Variants in NOS1AP observed in about 807,000 individuals in gnomAD.
NOS1AP encodes the protein nitric oxide synthase 1 adaptor protein, also known as carboxyl-terminal PDZ ligand of neuronal nitric oxide synthase protein.
NOS1AP carries 21 observed loss-of-function variants against 56.2 expected under a neutral mutation model. The ratio of observed to expected loss-of-function variants is 0.37; its 90% CI spans 0.26 to 0.54. The LOEUF (loss-of-function observed/expected upper bound fraction) is 0.54, where lower values mean the gene tolerates loss of function less well. NOS1AP is among the 20% of genes least tolerant of loss of function. NOS1AP has a pLI of 0.84. For missense variants in NOS1AP, 522 were observed against 657.8 expected (o/e 0.79, Z 2.26); for synonymous variants, 270 against 274.6 (o/e 0.98, Z 0.17).
intron 2 of NOS1AP, among the ~76,000 whole-genome samples, chr1:162,263,534 A>G (rs929866488): frequency 6.6e-6 from 1 of 152,182 alleles, no homozygotes; most frequent in Non-Finnish European, 1.5e-5. Context: ...ACAAGTAGCT[A>G]TTTTGGTCTG....
intron 2 of NOS1AP, among the ~76,000 whole-genome samples, chr1:162,221,473 G>T (rs1418953933): frequency 6.7e-6 from 1 of 149,844 alleles, no homozygotes; most frequent in Admixed American, 6.7e-5. Context: ...TTCACCATTA[G>T]CACTTTGGGT....
chr1:162,160,065 G>A (rs1287225504), intron 2 of NOS1AP, among the ~76,000 whole-genome samples: 26 of 152,152 alleles, frequency 1.7e-4, no homozygotes, highest in Admixed American at 1.7e-3. Context: ...GCCTCTGGTG[G>A]CCAATACAGA....
intron 2 of NOS1AP, among the ~76,000 whole-genome samples, chr1:162,275,338 C>T (rs10800401): frequency 0.2 from 30,016 of 151,976 alleles, 3,332 homozygotes; most frequent in East Asian, 0.43. Flanking sequence ...CCATCACACC[C>T]GGCTAATTTT....
At chr1:162,270,141 A>G (rs1212365738) in intron 2 of NOS1AP, among the ~76,000 whole-genome samples, 1 of 152,210 alleles carries the variant, frequency 6.6e-6, no homozygotes, top group Non-Finnish European at 1.5e-5. Context: ...GCCTCTAGGT[A>G]TGGGGTAGTG....
Position 162,151,858 on chromosome 1 carries a change from GTGTGCA to G in NOS1AP, c.106-2543_106-2538del, listed in dbSNP as rs574451990. 1.3e-3 allele frequency among the ~76,000 whole-genome samples: 193 copies of G among 152,120 alleles called. 1 individual carries two copies. Among genetic ancestry groups the G allele is most frequent in the Middle Eastern group, 3.4e-3 (1 of 294 alleles). ...GTGAGGCAAGTGTGTGGCATGTGGGGTGTGCATGTACATGTACATGCGCACCATGAC... is the reference window on the plus strand; with the variant it reads ...GTGAGGCAAGTGTGTGGCATGTGGGGTGTACATGTACATGCGCACCATGAC... On this transcript the variant is annotated intron_variant, in intron 1 of 9. Transcript: ENST00000361897.
In NOS1AP at chr1:162,360,202, G is replaced by A. The variant is rs1657855564; in HGVS notation, c.939+3066G>A. Among the ~76,000 whole-genome samples, 3 of 152,290 alleles carry A rather than the reference G, an allele frequency of 2.0e-5. No homozygotes were observed. In the South Asian group the frequency reaches 6.2e-4, roughly 32 times the overall value. Reference sequence around the variant, plus strand: ...TGACCTTAAAGGTATATGGGCAAAGGTGGTATTCAACCAACTCTTAAGTAT... The same window carrying A: ...TGACCTTAAAGGTATATGGGCAAAGATGGTATTCAACCAACTCTTAAGTAT... On this transcript the variant is annotated intron_variant, in intron 8 of 9. Coordinates refer to ENST00000361897, the MANE Select transcript of NOS1AP (RefSeq NM_014697.3).
chr1:162,137,171 A>G (rs1374409501), intron 1 of NOS1AP, among the ~76,000 whole-genome samples: 1 of 152,174 alleles, frequency 6.6e-6, no homozygotes, highest in Non-Finnish European at 1.5e-5. Flanking sequence ...GAGACAAAGC[A>G]CGATTTGCAT....
At chr1:162,310,224 T>G (rs2819317) in intron 4 of NOS1AP, among the ~76,000 whole-genome samples, 84,116 of 151,978 alleles carry the variant, frequency 0.55, 23,440 homozygotes, top group East Asian at 0.6. Context: ...AATCAGGGAA[T>G]GAGGTATACC....
At chr1:162,101,900 A>T (rs1408076165) in intron 1 of NOS1AP, among the ~76,000 whole-genome samples, 1 of 152,110 alleles carries the variant, frequency 6.6e-6, no homozygotes, top group African/African-American at 2.4e-5. Flanking sequence ...AGATAATTTG[A>T]CTTCCTCTCT....
At chr1:162,095,673 G>A (rs556462535) in intron 1 of NOS1AP, among the ~76,000 whole-genome samples, 5 of 152,116 alleles carry the variant, frequency 3.3e-5, no homozygotes, top group South Asian at 2.1e-4. Flanking sequence ...TCCCTCATCC[G>A]GTGAGTGGGG....
At position 162,144,342 on chromosome 1, in the gene NOS1AP, G is replaced by T. The variant is rs189215961; in HGVS notation, c.106-10063G>T. ...TCTGATTCTGCCACTCACAAGCTAC[G>T]TTTTCATTCTTTCTCTGAGCCTTGA... On this transcript the variant is annotated intron_variant, in intron 1 of 9. Transcript: ENST00000361897. 2.5e-3 allele frequency among the ~76,000 whole-genome samples: 374 copies of T among 152,332 alleles called. 1 individual carries two copies. Among genetic ancestry groups the T allele is most frequent in the African/African-American group, 8.5e-3 (353 of 41,576 alleles).
intron 1 of NOS1AP, among the ~76,000 whole-genome samples, chr1:162,075,880 C>T (rs1165518210): frequency 6.6e-5 from 10 of 152,110 alleles, no homozygotes; most frequent in Admixed American, 6.5e-4. Flanking sequence ...CAGTATGTTC[C>T]TCCACACCTG....
chr1:162,157,293 T>C (rs1011640276), intron 2 of NOS1AP: 1 of 152,476 alleles, frequency 6.6e-6, no homozygotes, highest in Non-Finnish European at 1.5e-5. Flanking sequence ...CAGAAAGCTG[T>C]TTGGTCTGGC....
intron 2 of NOS1AP, among the ~76,000 whole-genome samples, chr1:162,201,379 C>T (rs1651986030): frequency 6.6e-6 from 1 of 152,098 alleles, no homozygotes; most frequent in South Asian, 2.1e-4. Flanking sequence ...GATTCCATGT[C>T]TTTGCTATTA....
chr1:162,175,137 T>C (rs535345537), intron 2 of NOS1AP, among the ~76,000 whole-genome samples: 2 of 151,708 alleles, frequency 1.3e-5, no homozygotes, highest in African/African-American at 4.9e-5. Flanking sequence ...TTTCTTTCCA[T>C]GAAGTACTTT....
At position 162,367,651 on chromosome 1, in the gene NOS1AP, CG is replaced by C; in HGVS notation, c.*186del. The C allele has an allele frequency of 1.4e-6, 1 of 693,750 alleles. No individual in the cohort carries two copies. Among genetic ancestry groups the C allele is most frequent in the South Asian group, 2.0e-5 (1 of 51,164 alleles). 43.0% of individuals were successfully genotyped at this position (693,750 alleles called of 1,614,324 possible). On this transcript the variant is annotated 3_prime_UTR_variant, in exon 10 of 10. Transcript: ENST00000361897. This position sits in a 1 kb window ranked among gnomAD's most constrained non-coding sequence, Gnocchi z 6.5. ...TTGGAGGGTAAAGTGGGGAAGAAAT[CG>C]GATTCCCAGAGGTGAATCAGCTCCT...
At chr1:162,329,121 G>T (rs1656684370) in intron 4 of NOS1AP, among the ~76,000 whole-genome samples, 1 of 152,148 alleles carries the variant, frequency 6.6e-6, no homozygotes, top group African/African-American at 2.4e-5. Context: ...GTCATTTATG[G>T]TAAGTCTGTG....
chr1:162,198,962 GT>G (rs1444616053), intron 2 of NOS1AP, among the ~76,000 whole-genome samples: 1 of 152,088 alleles, frequency 6.6e-6, no homozygotes, highest in Non-Finnish European at 1.5e-5. Flanking sequence ...GTAGGATCAG[GT>G]TTTACCCCTC....
At chr1:162,198,871 G>A (rs1268469513) in intron 2 of NOS1AP, among the ~76,000 whole-genome samples, 2 of 152,168 alleles carry the variant, frequency 1.3e-5, no homozygotes, top group East Asian at 1.9e-4. Context: ...TGGCTTCTGA[G>A]GCGAGAGAGA....
Sources: gnomAD v4.1 joint callset for allele counts (sites outside exome capture counted in the v4.1 genomes callset) on GRCh38, gnomAD v4.1.1 for gene constraint, Gnocchi (gnomAD v3.1) non-coding constraint, MANE v1.5 for transcripts, NCBI Gene and HGNC (gene_info 2026-07-23, HGNC 2026-07-21) for gene names.